Variants in PHF14 observed in about 807,000 individuals in gnomAD.
PHF14 encodes the protein PHD finger protein 14.
A neutral mutation model predicts 117.9 loss-of-function variants in PHF14; 55 were observed. That is an observed-to-expected ratio of 0.47 (90% CI 0.38 to 0.58). The LOEUF is 0.58. PHF14 is among the 20% of genes least tolerant of loss of function. The pLI, the probability that PHF14 is intolerant of heterozygous loss-of-function variation, is 0.00. For missense variants in PHF14, 978 were observed against 1,122.2 expected (o/e 0.87, Z 1.84); for synonymous variants, 409 against 368.6 (o/e 1.11, Z -1.26).
intron 16 of PHF14, among the ~76,000 whole-genome samples, chr7:11,091,414 C>G (rs1786637508): frequency 1.3e-5 from 2 of 151,746 alleles, no homozygotes; most frequent in Non-Finnish European, 2.9e-5. Flanking sequence ...TTTTAAAGGT[C>G]TACTGAATTA....
chr7:11,025,474 A>G (rs993293394), intron 6 of PHF14, among the ~76,000 whole-genome samples: 8 of 152,052 alleles, frequency 5.3e-5, no homozygotes, highest in African/African-American at 1.5e-4. Context: ...GGATGAATCT[A>G]TGCAGCAAAC....
At chr7:11,019,661 G>A (rs548789391) in intron 5 of PHF14, among the ~76,000 whole-genome samples, 1 of 152,160 alleles carries the variant, frequency 6.6e-6, no homozygotes, top group Non-Finnish European at 1.5e-5. Flanking sequence ...AGGTTTGTCA[G>A]TGTTGTTTAC....
intron 16 of PHF14, among the ~76,000 whole-genome samples, chr7:11,086,883 T>C (rs2906558): frequency 0.51 from 77,757 of 151,768 alleles, 20,753 homozygotes; most frequent in East Asian, 0.85. Context: ...GTTTTATTAC[T>C]CTTAGTCCTC....
At chr7:11,161,014 C>T (rs1008721922) in intron 17 of PHF14, among the ~76,000 whole-genome samples, 2 of 151,998 alleles carry the variant, frequency 1.3e-5, no homozygotes, top group African/African-American at 4.8e-5. Context: ...ATGGTGTTTC[C>T]TAGGTTTTGC....
chr7:11,033,299 G>A (rs1271974320), intron 7 of PHF14, among the ~76,000 whole-genome samples: 1 of 152,188 alleles, frequency 6.6e-6, no homozygotes, highest in Non-Finnish European at 1.5e-5. Context: ...ACTGAGGGGA[G>A]TTTGGTTCCA....
chr7:11,147,739 C>A (rs189974985), intron 17 of PHF14, among the ~76,000 whole-genome samples: 1 of 152,096 alleles, frequency 6.6e-6, no homozygotes, highest in Non-Finnish European at 1.5e-5. Context: ...GTCATTGTGT[C>A]CCTTCTCTAT....
chr7:11,115,624 G>A (rs7790448), intron 17 of PHF14, among the ~76,000 whole-genome samples: 90,621 of 151,740 alleles, frequency 0.6, 28,574 homozygotes, highest in East Asian at 0.86. Context: ...AGATCAGGAA[G>A]TTAACATTGC....
At chr7:11,067,934 G>T (rs1471054970) in intron 16 of PHF14, among the ~76,000 whole-genome samples, 1 of 152,126 alleles carries the variant, frequency 6.6e-6, no homozygotes, top group Non-Finnish European at 1.5e-5. Context: ...TCATCTTCAT[G>T]ACGTAAACAC....
In PHF14 at chr7:11,089,241, T is replaced by A. The variant is rs146805476; in HGVS notation, c.2655-22109T>A. 1.9e-3 allele frequency among the ~76,000 whole-genome samples: 290 copies of A among 152,322 alleles called. 6 individuals carry two copies. Among genetic ancestry groups the A allele is most frequent in the African/African-American group, 6.5e-3 (272 of 41,572 alleles). On this transcript the variant is annotated intron_variant, in intron 16 of 17. Transcript: ENST00000634607. ...TCTCTTCCTCAAAACAACATTAAAG[T>A]TATCAGCTGTTTGCGTATGTAATTT...
rs1583475645 is a variant in PHF14, at chr7:11,113,124, G to T, written c.2772+1657G>T. On this transcript the variant is annotated intron_variant, in intron 17 of 17. Coordinates refer to ENST00000634607, the MANE Select transcript of PHF14 (RefSeq NM_001007157.2). ...CAAACAAGTTAGGAAAACAATTTTT[G>T]AAATAGGATTTCCCACCTTTTTTAA... 2.0e-5 allele frequency among the ~76,000 whole-genome samples: 3 copies of T among 151,986 alleles called. 1 individual carries two copies. The South Asian group carries it at 6.2e-4, about 32-fold the overall frequency.
chr7:10,976,145 C>T (rs568972239), intron 2 of PHF14, among the ~76,000 whole-genome samples: 1 of 152,278 alleles, frequency 6.6e-6, no homozygotes, highest in East Asian at 1.9e-4. Flanking sequence ...CTGCTTGGAT[C>T]CCAAGAGTTG....
intron 4 of PHF14, among the ~76,000 whole-genome samples, chr7:10,995,503 G>A (rs565898748): frequency 1.3e-5 from 2 of 152,170 alleles, no homozygotes; most frequent in African/African-American, 2.4e-5. Flanking sequence ...AGTGGATCCC[G>A]CACCAGGGCC....
intron 17 of PHF14, among the ~76,000 whole-genome samples, chr7:11,126,829 C>G (rs998756797): frequency 3.8e-4 from 57 of 149,434 alleles, no homozygotes; most frequent in African/African-American, 1.3e-3. Flanking sequence ...AAAAACTCTT[C>G]AAATTAAACA....
At chr7:11,124,987 T>C (rs1187522721) in intron 17 of PHF14, among the ~76,000 whole-genome samples, 3 of 152,092 alleles carry the variant, frequency 2.0e-5, no homozygotes, top group Admixed American at 6.5e-5. Flanking sequence ...TGCTATGGTA[T>C]GGTGTGGGAA....
chr7:11,043,296 T>A (rs1432178257), intron 13 of PHF14, among the ~76,000 whole-genome samples: 3 of 151,782 alleles, frequency 2.0e-5, no homozygotes, highest in Admixed American at 6.6e-5. Flanking sequence ...TTTTTTTTTT[T>A]ATTAACTTAG....
At chr7:11,026,707 G>A (rs1349951799) in intron 6 of PHF14, among the ~76,000 whole-genome samples, 2 of 150,640 alleles carry the variant, frequency 1.3e-5, no homozygotes, top group African/African-American at 2.4e-5. Context: ...TGGCTGTTGT[G>A]GTTAGTTGAA....
rs141703492 is a variant in PHF14, at chr7:11,038,671, T to TTA, written c.1981-77_1981-76dup. On this transcript the variant is annotated intron_variant, in intron 10 of 17. Coordinates refer to ENST00000634607, the MANE Select transcript of PHF14 (RefSeq NM_001007157.2). Reference sequence around the variant, plus strand: ...GACTCTGTCTCAAAAAAAAAAAAAATTATATATATATATGTGGAATAGAAA... The same window carrying TTA: ...GACTCTGTCTCAAAAAAAAAAAAAATTATATATATATATATGTGGAATAGAAA... The TTA allele has an allele frequency of 9.9e-3, 3,319 of 334,678 alleles. 65 individuals carry two copies. The highest frequency in any genetic ancestry group is 0.096 in the East Asian group (1,605 of 16,806). 20.7% of individuals were successfully genotyped at this position (334,678 alleles called of 1,614,324 possible). A position where few individuals can be genotyped will look rare whatever the true frequency, so the allele number is the denominator to read the frequency against.
At chr7:11,164,000 T>A (rs1284593905) in intron 17 of PHF14, among the ~76,000 whole-genome samples, 1 of 152,216 alleles carries the variant, frequency 6.6e-6, no homozygotes, top group Non-Finnish European at 1.5e-5. Context: ...GAAACATTAT[T>A]AAAGTATAGA....
At chr7:11,001,334 C>T (rs1404207312) in intron 4 of PHF14, among the ~76,000 whole-genome samples, 3 of 152,042 alleles carry the variant, frequency 2.0e-5, no homozygotes, top group African/African-American at 7.3e-5. Context: ...AGTGTTACTC[C>T]TTTGACTTGT....
Sources: allele counts gnomAD v4.1 joint callset (sites outside exome capture counted in the v4.1 genomes callset), GRCh38; gene constraint gnomAD v4.1.1; transcripts MANE v1.5; gene names NCBI Gene and HGNC (gene_info 2026-07-23, HGNC 2026-07-21).